Variants in DAB2IP observed in about 807,000 individuals in gnomAD.
DAB2IP encodes the protein DAB2 interacting protein.
In DAB2IP, 28 loss-of-function variants were observed where a neutral mutation model predicts 107.2. That is an observed-to-expected ratio of 0.26 (90% CI 0.19 to 0.36). DAB2IP has a LOEUF of 0.36. Among genes scored for constraint, DAB2IP ranks in the 10% least tolerant of loss-of-function variants. The pLI is 1.00. For synonymous variants in DAB2IP, 755 were observed against 706.4 expected (o/e 1.07, Z -1.09); for missense variants, 1,400 against 1,644.7 (o/e 0.85, Z 2.57).
rs938824018 is a variant in DAB2IP, at chr9:121,669,193, A to G, written c.125-9485A>G. On this transcript the variant is annotated intron_variant, in intron 1 of 15. Transcript: ENST00000408936. The stretch of plus-strand genomic sequence containing the variant: ...GCAATCCGCCCACCTTGGCCTCCCA[A>G]AGTGCTGGGATTACAGGCGTGAGCT... Among the ~76,000 whole-genome samples the G allele has an allele frequency of 2.6e-5, 4 of 152,194 alleles. No homozygotes were observed. The South Asian group carries it at 8.3e-4, about 32-fold the overall frequency.
intron 1 of DAB2IP, among the ~76,000 whole-genome samples, chr9:121,593,113 C>T (rs893964925): frequency 6.6e-6 from 1 of 152,182 alleles, no homozygotes; most frequent in Non-Finnish European, 1.5e-5. Context: ...GAGACAGGGT[C>T]TTGTCTGCTG....
Position 121,776,850 on chromosome 9 carries a change from G to T in DAB2IP, c.3314+459G>T, listed in dbSNP as rs751642612. 1.3e-5 allele frequency among the ~76,000 whole-genome samples: 2 copies of T among 152,240 alleles called. No homozygotes were observed. The highest frequency in any genetic ancestry group is 3.4e-3 in the Middle Eastern group (1 of 294). ...CTACCAAGAGTGTCTGGGTGTGGGC[G>T]TATCAGGGTACCAGTTACTGAGCTG... On this transcript the variant is annotated intron_variant, in intron 14 of 15. Coordinates refer to ENST00000408936, the Ensembl canonical transcript of DAB2IP. This position sits in a 1 kb window ranked among gnomAD's most constrained non-coding sequence, Gnocchi z 5.4.
At chr9:121,582,137 G>A (rs111839270) in intron 1 of DAB2IP, among the ~76,000 whole-genome samples, 37 of 152,318 alleles carry the variant, frequency 2.4e-4, no homozygotes, top group African/African-American at 7.9e-4. Flanking sequence ...GATAGAAAGG[G>A]CTGAAAGGGG....
Position 121,634,498 on chromosome 9 carries a change from G to A in DAB2IP, c.41-44180G>A, listed in dbSNP as rs1459348595. Among the ~76,000 whole-genome samples, 1 of 152,172 alleles carries A rather than the reference G, an allele frequency of 6.6e-6. No homozygotes were observed. The highest frequency in any genetic ancestry group is 2.4e-5 in the African/African-American group (1 of 41,430). ...ACTGTGGCCCCAGGTGTCCCCTTGTGCCTAGAAAGCAGCCTCACTCCAGCA... is the reference window on the plus strand; with the variant it reads ...ACTGTGGCCCCAGGTGTCCCCTTGTACCTAGAAAGCAGCCTCACTCCAGCA... On this transcript the variant is annotated intron_variant, in intron 1 of 16. Transcript: ENST00000259371. The surrounding 1 kb of genome is among the most constrained non-coding windows in gnomAD (Gnocchi z 4.7).
At chr9:121,568,007 G>T (rs1010716352) in intron 1 of DAB2IP, among the ~76,000 whole-genome samples, 2 of 152,110 alleles carry the variant, frequency 1.3e-5, no homozygotes, top group African/African-American at 2.4e-5. Context: ...GCTGGGCATG[G>T]GGGGGTGGGG....
At chr9:121,629,256 G>A (rs1383403539) in intron 1 of DAB2IP, among the ~76,000 whole-genome samples, 1 of 152,210 alleles carries the variant, frequency 6.6e-6, no homozygotes, top group African/African-American at 2.4e-5. Context: ...GAGGCTTTGA[G>A]GGCATGACCC....
rs763861638 is a variant in DAB2IP, at chr9:121,641,891, CCCTT to C, written c.41-36786_41-36783del. Among the ~76,000 whole-genome samples, 8 of 64,998 alleles carry C rather than the reference CCCTT, an allele frequency of 1.2e-4. No homozygotes were observed. The East Asian group carries it at 3.6e-3, about 29-fold the overall frequency. 42.6% of individuals were successfully genotyped at this position (64,998 alleles called of 152,430 possible). ...TTTCTTTCTTTCTGTCCATTTCTTT[CCCTT>C]TCTTTCTTTCTTTCTTTCTTTCTTT... is the stretch of plus-strand genomic sequence containing the variant. On this transcript the variant is annotated intron_variant, in intron 1 of 16. Transcript: ENST00000259371.
At chr9:121,693,848 A>G (rs1272673789) in intron 2 of DAB2IP, among the ~76,000 whole-genome samples, 2 of 152,218 alleles carry the variant, frequency 1.3e-5, no homozygotes, top group African/African-American at 2.4e-5. Flanking sequence ...TGTGCTAGGC[A>G]TGTTGCTCAG....
rs1424824826 is a variant in DAB2IP, at chr9:121,684,157, C to T, written c.228+5376C>T. 6.6e-6 allele frequency among the ~76,000 whole-genome samples: 1 copy of T among 152,152 alleles called. No homozygotes were observed. The highest frequency in any genetic ancestry group is 1.9e-4 in the East Asian group (1 of 5,188). On this transcript the variant is annotated intron_variant, in intron 2 of 15. Coordinates refer to ENST00000408936, the Ensembl canonical transcript of DAB2IP. This position sits in a 1 kb window ranked among gnomAD's most constrained non-coding sequence, Gnocchi z 4.0. The stretch of plus-strand genomic sequence containing the variant: ...CTGTCACACAAACTCAAGAAACAGG[C>T]ATGTGAACACAAACATGCAAGCTAG...
In DAB2IP at chr9:121,734,308, C is replaced by T. The variant is rs1203082125; in HGVS notation, c.363-22705C>T. Among the ~76,000 whole-genome samples the T allele has an allele frequency of 4.3e-5, 6 of 139,444 alleles. No individual in the cohort carries two copies. In the East Asian group the frequency reaches 1.2e-3, roughly 27 times the overall value. 91.5% of individuals were successfully genotyped at this position (139,444 alleles called of 152,430 possible). A position where few individuals can be genotyped will look rare whatever the true frequency, so the allele number is the denominator to read the frequency against. ...AGGAGAATGGCGTGAACCCAGGAAG[C>T]GGAGCTTGCAGTGAGCCGAGATTGC... On this transcript the variant is annotated intron_variant, in intron 3 of 15. Coordinates refer to ENST00000408936, the Ensembl canonical transcript of DAB2IP.
At chr9:121,671,726 G>C (rs1458135774) in intron 1 of DAB2IP, among the ~76,000 whole-genome samples, 1 of 152,112 alleles carries the variant, frequency 6.6e-6, no homozygotes, top group Non-Finnish European at 1.5e-5. Context: ...TATTCATGTT[G>C]ATCTCTATAG....
At chr9:121,689,714 C>G (rs1413409566) in intron 2 of DAB2IP, among the ~76,000 whole-genome samples, 1 of 152,236 alleles carries the variant, frequency 6.6e-6, no homozygotes, top group Non-Finnish European at 1.5e-5. Flanking sequence ...CCAGCGCAAA[C>G]CTGAAAGTCC....
chr9:121,766,364 C>G, intron 8 of DAB2IP, 130 bp from the exon 9 acceptor site: 1 of 812,426 alleles, frequency 1.2e-6, no homozygotes. Context: ...CCTCAGAGCT[C>G]AGACAGCGGG....
At chr9:121,700,313 C>T (rs946715781) in intron 3 of DAB2IP, among the ~76,000 whole-genome samples, 2 of 152,178 alleles carry the variant, frequency 1.3e-5, no homozygotes, top group Admixed American at 6.5e-5. Context: ...CCATCCTGTC[C>T]TCCAGGGGGC....
intron 1 of DAB2IP, among the ~76,000 whole-genome samples, chr9:121,612,839 C>T (rs545947975): frequency 1.4e-4 from 22 of 152,306 alleles, no homozygotes; most frequent in African/African-American, 5.3e-4. Flanking sequence ...GACAACTGCT[C>T]AGGTTTCTGC....
chr9:121,636,791 A>G (rs2119026316), intron 1 of DAB2IP, among the ~76,000 whole-genome samples: 1 of 152,292 alleles, frequency 6.6e-6, no homozygotes, highest in South Asian at 2.1e-4. Context: ...TAACAAGCCA[A>G]AATGACACGG....
upstream of DAB2IP, among the ~76,000 whole-genome samples, chr9:121,648,409 T>C (rs1832616005): frequency 6.6e-6 from 1 of 151,410 alleles, no homozygotes; most frequent in African/African-American, 2.4e-5. Context: ...TGGGAAAGAG[T>C]GTCTGGAGGA....
chr9:121,627,141 TCACACACACACACACACA>T (rs374127830), intron 1 of DAB2IP, among the ~76,000 whole-genome samples: 1 of 126,728 alleles, frequency 7.9e-6, no homozygotes, highest in Non-Finnish European at 1.7e-5. Context: ...ACACACACAC[TCACACACACACACACACA>T]CACACACACA....
At chr9:121,604,947 C>G (rs1460565316) in intron 1 of DAB2IP, among the ~76,000 whole-genome samples, 1 of 152,230 alleles carries the variant, frequency 6.6e-6, no homozygotes, top group Non-Finnish European at 1.5e-5. Context: ...AGGGCTGGCT[C>G]TAGCAAGGGA....
Sources: gnomAD v4.1 joint callset for allele counts (sites outside exome capture counted in the v4.1 genomes callset) on GRCh38, gnomAD v4.1.1 for gene constraint, Gnocchi (gnomAD v3.1) non-coding constraint, MANE v1.5 for transcripts, NCBI Gene and HGNC (gene_info 2026-07-23, HGNC 2026-07-21) for gene names.